CD14: variants seen among roughly 807,000 people sequenced by gnomAD.
The protein encoded by CD14 is CD14 molecule.
Under a neutral mutation model 2.5 loss-of-function variants are expected in CD14, and 4 were observed. The observed-to-expected ratio is 1.63, with a 90% confidence interval of 0.80 to 3.72. The LOEUF (loss-of-function observed/expected upper bound fraction) is 3.72, where lower values mean the gene tolerates loss of function less well. Ranked by LOEUF, CD14 falls within the 30% of genes most tolerant of loss-of-function variation. CD14 has a pLI of 0.01. For missense variants in CD14, 478 were observed against 497.8 expected (o/e 0.96, Z 0.38); for synonymous variants, 236 against 235.1 (o/e 1.00, Z -0.04).
At position 140,632,324 on chromosome 5, in the gene CD14, C is replaced by G. The variant is rs750710009; in HGVS notation, c.660G>C (p.Lys220Asn). 6.2e-7 allele frequency: 1 copy of G among 1,614,096 alleles called. No individual in the cohort carries two copies. The highest frequency in any genetic ancestry group is 1.1e-5 in the South Asian group (1 of 91,092). Reference protein sequence around the residue: ...RGLMAALCPHKFPAIQNLALR... With the variant: ...RGLMAALCPHNFPAIQNLALR... Reference sequence around the variant, plus strand: ...GCGCTAGATTCTGGATGGCCGGGAACTTGTGGGGACAGAGAGCCGCCATCA... The same window carrying G: ...GCGCTAGATTCTGGATGGCCGGGAAGTTGTGGGGACAGAGAGCCGCCATCA... The change falls in exon 2 of 2, where the codon AAG (lysine) becomes AAC (asparagine). Residue 220 changes from lysine to asparagine, a missense_variant. Physicochemically the swap from Lys to Asn is moderately conservative, Grantham distance 94. Coordinates refer to ENST00000302014, the MANE Select transcript of CD14 (RefSeq NM_000591.4). This position sits in a 1 kb window ranked among gnomAD's most constrained non-coding sequence, Gnocchi z 6.2.
Position 140,632,852 on chromosome 5 carries a change from G to T in CD14, c.132C>A (p.Asp44Glu). 6.2e-7 allele frequency: 1 copy of T among 1,614,144 alleles called. No individual in the cohort carries two copies. The change falls in exon 2 of 2, where the codon GAC becomes GAA. Residue 44 changes from aspartate (D) to glutamate (E), a missense_variant. Asp to Glu is a conservative substitution (Grantham distance 45). Coordinates refer to ENST00000302014, the MANE Select transcript of CD14 (RefSeq NM_000591.4). The surrounding 1 kb of genome is among the most constrained non-coding windows in gnomAD (Gnocchi z 6.2). ...ACACACACTGGAAGGCTTCGGACCA[G>T]TCGGGCTGAGGTTCGGAGAAGTTGC... ...CVCNFSEPQP[D>E]WSEAFQCVSA...
upstream of CD14, chr5:140,633,338 C>G: frequency 1.7e-6 from 1 of 588,766 alleles, no homozygotes; most frequent in South Asian, 1.9e-5. Context: ...GGGACCGTAA[C>G]AGGAAGGATT....
rs1428170865 is a variant in CD14 at position 140,632,674 on chromosome 5, G to A, written c.310C>T (p.Gln104Ter). 6.2e-7 allele frequency: 1 copy of A among 1,613,686 alleles called. No individual in the cohort carries two copies. Among genetic ancestry groups the A allele is most frequent in the Non-Finnish European group, 8.5e-7 (1 of 1,180,020 alleles). Residue 104 changes from glutamine (Q) to a stop codon, truncating the protein, a stop_gained, in exon 2 of 2, where the codon CAG (glutamine) becomes TAG (stop). Coordinates refer to ENST00000302014, the MANE Select transcript of CD14 (RefSeq NM_000591.4). LOFTEE classifies it low-confidence loss of function (END_TRUNC). This position sits in a 1 kb window ranked among gnomAD's most constrained non-coding sequence, Gnocchi z 6.2. ...ACACGCAGGGCGCCTACCAGTAGCT[G>A]AGCAGGAACCTGTGCGGCTCCCACT... is the stretch of plus-strand genomic sequence containing the variant. Reference protein sequence around the residue: ...LTVGAAQVPAQLLVGALRVLA... With the variant: ...LTVGAAQVPA
Position 140,632,626 on chromosome 5 carries a change from C to G in CD14, c.358G>C (p.Glu120Gln). ...ATCTTTAGGTCCTCGAGCGTCAGTT[C>G]CTTGAGGCGGGAGTACGCTAGCACA... ...LRVLAYSRLK[E>Q]LTLEDLKITG... The change falls in exon 2 of 2, where the codon GAA becomes CAA. Residue 120 changes from glutamate to glutamine, a missense_variant. Physicochemically the swap from Glu to Gln is conservative, Grantham distance 29 (BLOSUM62 2). Transcript: ENST00000302014. This position sits in a 1 kb window ranked among gnomAD's most constrained non-coding sequence, Gnocchi z 6.2. The G allele has an allele frequency of 6.2e-7, 1 of 1,613,890 alleles. No individual in the cohort carries two copies. Among genetic ancestry groups the G allele is most frequent in the African/African-American group, 1.3e-5 (1 of 75,040 alleles).
In CD14 at chr5:140,632,224, G is replaced by C; in HGVS notation, c.760C>G (p.Leu254Val). The C allele has an allele frequency of 6.2e-7, 1 of 1,613,636 alleles. No homozygotes were observed. Among genetic ancestry groups the C allele is most frequent in the African/African-American group, 1.3e-5 (1 of 75,064 alleles). The stretch of plus-strand genomic sequence containing the variant: ...CGCAGCGAGTTGTGGCTGAGGTCTA[G>C]GCTGTGGGGCTGCACACCTGCCGCC... ...LAAAGVQPHSLDLSHNSLRAT... is the reference protein window; with the variant it reads ...LAAAGVQPHSVDLSHNSLRAT... The change falls in exon 2 of 2, where the codon CTA becomes GTA. Residue 254 changes from leucine (L) to valine (V), a missense_variant. Leu to Val is a conservative substitution (Grantham distance 32, BLOSUM62 1). Transcript: ENST00000302014. This position sits in a 1 kb window ranked among gnomAD's most constrained non-coding sequence, Gnocchi z 6.2.
rs1581447267 is a variant in CD14, at chr5:140,632,220, T to G, written c.764A>C (p.Asp255Ala). The G allele has an allele frequency of 6.2e-7, 1 of 1,613,554 alleles. No homozygotes were observed. The highest frequency in any genetic ancestry group is 8.5e-7 in the Non-Finnish European group (1 of 1,179,980). Residue 255 changes from aspartate (D) to alanine (A), a missense_variant, in exon 2 of 2, where the codon GAC (aspartate) becomes GCC (alanine). Transcript: ENST00000302014. This position sits in a 1 kb window ranked among gnomAD's most constrained non-coding sequence, Gnocchi z 6.2. Reference sequence around the variant, plus strand: ...GGCGCGCAGCGAGTTGTGGCTGAGGTCTAGGCTGTGGGGCTGCACACCTGC... The same window carrying G: ...GGCGCGCAGCGAGTTGTGGCTGAGGGCTAGGCTGTGGGGCTGCACACCTGC... ...AAAGVQPHSL[D>A]LSHNSLRATV...
upstream of CD14, chr5:140,633,519 C>G (rs1052713398): frequency 2.1e-4 from 51 of 244,506 alleles, no homozygotes; most frequent in Middle Eastern, 1.6e-3. Context: ...TCCAACCCCC[C>G]AATCCCCCTA....
Position 140,633,077 on chromosome 5 carries a change from A to G in CD14, c.-6T>C, listed in dbSNP as rs1756667465. ...CAAGACCCTACACTCACCATGGTCG[A>G]TAAGTCTTCCGAACCTCTGAGCTCC... On this transcript the variant is annotated 5_prime_UTR_variant, in exon 1 of 2. Transcript: ENST00000302014. 9.9e-6 allele frequency: 16 copies of G among 1,614,148 alleles called. No individual in the cohort carries two copies. The highest frequency in any genetic ancestry group is 1.3e-5 in the African/African-American group (1 of 75,046).
At chr5:140,633,345 G>A (rs1420293875), upstream of CD14, 2 of 579,050 alleles carry the variant, frequency 3.5e-6, no homozygotes, top group Non-Finnish European at 6.2e-6. Flanking sequence ...TAACAGGAAG[G>A]ATTCTGCAGG....
Position 140,632,490 on chromosome 5 carries a change from T to G in CD14, c.494A>C (p.Gln165Pro), listed in dbSNP as rs763204821. The G allele has an allele frequency of 1.2e-6, 2 of 1,614,014 alleles. No homozygotes were observed. The highest frequency in any genetic ancestry group is 2.2e-5 in the South Asian group (2 of 91,088). The change falls in exon 2 of 2, where the codon CAG becomes CCG. Residue 165 changes from glutamine (Q) to proline (P), a missense_variant. Gln to Pro is a moderately conservative substitution (Grantham distance 76, BLOSUM62 -1). Coordinates refer to ENST00000302014, the MANE Select transcript of CD14 (RefSeq NM_000591.4). The surrounding 1 kb of genome is among the most constrained non-coding windows in gnomAD (Gnocchi z 6.2). Reference protein sequence around the residue: ...ATGRSWLAELQQWLKPGLKVL... With the variant: ...ATGRSWLAELPQWLKPGLKVL... Reference sequence around the variant, plus strand: ...CTTGAGGCCTGGCTTGAGCCACTGCTGCAGCTCGGCGAGCCAAGAACGCCC... The same window carrying G: ...CTTGAGGCCTGGCTTGAGCCACTGCGGCAGCTCGGCGAGCCAAGAACGCCC...
In CD14 at chr5:140,631,845, TG is replaced by T. The variant is rs781461920; in HGVS notation, c.*10del. On this transcript the variant is annotated 3_prime_UTR_variant, in exon 2 of 2. Coordinates refer to ENST00000302014, the MANE Select transcript of CD14 (RefSeq NM_000591.4). ...GGCAGTTTGAGTCCATTCATTATTCTGTCTTGGATCTTAGGCAAAGCCCCGG... is the reference window on the plus strand; with the variant it reads ...GGCAGTTTGAGTCCATTCATTATTCTTCTTGGATCTTAGGCAAAGCCCCGG... 46 of 1,527,918 alleles carry T rather than the reference TG, an allele frequency of 3.0e-5. No individual in the cohort carries two copies. The highest frequency in any genetic ancestry group is 4.0e-5 in the Non-Finnish European group (45 of 1,135,036). 94.6% of individuals were successfully genotyped at this position (1,527,918 alleles called of 1,614,324 possible). A position where few individuals can be genotyped will look rare whatever the true frequency, so the allele number is the denominator to read the frequency against.
At chr5:140,633,550 A>G (rs548273939), upstream of CD14, 4 of 200,004 alleles carry the variant, frequency 2.0e-5, no homozygotes, top group African/African-American at 9.1e-5. Context: ...CAGAGAATCT[A>G]CTTGATTCAT....
At position 140,632,978 on chromosome 5, in the gene CD14, C is replaced by T. The variant is rs1480986538; in HGVS notation, c.6G>A (p.Glu2=). Residue 2 remains glutamate, a splice_region_variant and synonymous_variant, in exon 2 of 2, where the codon GAG becomes GAA. Coordinates refer to ENST00000302014, the MANE Select transcript of CD14 (RefSeq NM_000591.4). The surrounding 1 kb of genome is among the most constrained non-coding windows in gnomAD (Gnocchi z 6.2). ...GCAGCAGCAACAAGCAGGACGCGCG[C>T]TCCTGGGGAGAGAGCAGAGGTCTAG... M[E]RASCLLLLLL... 6.2e-7 allele frequency: 1 copy of T among 1,614,044 alleles called. No individual in the cohort carries two copies. The highest frequency in any genetic ancestry group is 1.3e-5 in the African/African-American group (1 of 74,920).
chr5:140,633,243 C>A (rs1756675453), upstream of CD14: 3 of 762,104 alleles, frequency 3.9e-6, no homozygotes, highest in Middle Eastern at 6.3e-4. Flanking sequence ...CCTCTGTGAA[C>A]CCTGATCACC....
In CD14 at chr5:140,632,061, C is replaced by T. The variant is rs750069399; in HGVS notation, c.923G>A (p.Arg308Lys). 3 of 1,614,230 alleles carry T rather than the reference C, an allele frequency of 1.9e-6. No homozygotes were observed. The highest frequency in any genetic ancestry group is 3.3e-5 in the Admixed American group (2 of 60,032). Residue 308 changes from arginine (R) to lysine (K), a missense_variant, in exon 2 of 2, where the codon AGA becomes AAA. By Grantham distance (26) the Arg-to-Lys change is conservative. Transcript: ENST00000302014. The surrounding 1 kb of genome is among the most constrained non-coding windows in gnomAD (Gnocchi z 6.2). ...GTCAGGCTGCGGCGCCCTGTTCAGT[C>T]TGTTGCAGCTGAGATCGAGCACTCT... ...KLRVLDLSCN[R>K]LNRAPQPDEL... is the part of the protein sequence containing the mutation.
In CD14 at chr5:140,632,955, A is replaced by G; in HGVS notation, c.29T>C (p.Leu10Pro). Residue 10 changes from leucine to proline, a missense_variant, in exon 2 of 2, where the codon CTG (leucine) becomes CCG (proline). Transcript: ENST00000302014. The surrounding 1 kb of genome is among the most constrained non-coding windows in gnomAD (Gnocchi z 6.2). ...AGAGACGTGCACCAGCGGCAGCAGC[A>G]GCAGCAACAAGCAGGACGCGCGCTC... MERASCLLL[L>P]LLPLVHVSAT... 1 of 1,614,144 alleles carries G rather than the reference A, an allele frequency of 6.2e-7. No homozygotes were observed. Among genetic ancestry groups the G allele is most frequent in the South Asian group, 1.1e-5 (1 of 91,078 alleles).
chr5:140,633,210 CCTGGGATGTCATTCAGTTCCCTCCT>C (rs1204060722), upstream of CD14: 2 of 1,065,784 alleles, frequency 1.9e-6, no homozygotes, highest in Admixed American at 4.0e-5. Flanking sequence ...TTTATGTAAT[CCTGGGATGTCATTCAGTTCCCTCCT>C]CTGTGAACCC....
In CD14 at chr5:140,632,873, G is replaced by C. The variant is rs763753720; in HGVS notation, c.111C>G (p.Asn37Lys). ...ACCAGTCGGGCTGAGGTTCGGAGAAGTTGCAGACGCAGCGGAAATCTTCAT... is the reference window on the plus strand; with the variant it reads ...ACCAGTCGGGCTGAGGTTCGGAGAACTTGCAGACGCAGCGGAAATCTTCAT... ...LDDEDFRCVC[N>K]FSEPQPDWSE... Residue 37 changes from asparagine (N) to lysine (K), a missense_variant, in exon 2 of 2, where the codon AAC becomes AAG. Coordinates refer to ENST00000302014, the MANE Select transcript of CD14 (RefSeq NM_000591.4). This position sits in a 1 kb window ranked among gnomAD's most constrained non-coding sequence, Gnocchi z 6.2. 6.2e-7 allele frequency: 1 copy of C among 1,614,186 alleles called. No individual in the cohort carries two copies. Among genetic ancestry groups the C allele is most frequent in the Non-Finnish European group, 8.5e-7 (1 of 1,180,032 alleles).
chr5:140,632,264 C>A lies in CD14; in HGVS notation c.720G>T (p.Val240=), dbSNP rs758715495. Reference sequence around the variant, plus strand: ...CACCTGCCGCCGCCAGTGCGGCGCACACGCCTGTGGGCGTCTCCATTCCTG... The same window carrying A: ...CACCTGCCGCCGCCAGTGCGGCGCAAACGCCTGTGGGCGTCTCCATTCCTG... The part of the protein sequence containing the change: ...RNTGMETPTG[V]CAALAAAGVQ... The change falls in exon 2 of 2, where the codon GTG becomes GTT. Residue 240 remains valine, a synonymous_variant. Transcript: ENST00000302014. This position sits in a 1 kb window ranked among gnomAD's most constrained non-coding sequence, Gnocchi z 6.2. 12 of 1,613,596 alleles carry A rather than the reference C, an allele frequency of 7.4e-6. No individual in the cohort carries two copies. The African/African-American group carries it at 1.5e-4, about 20-fold the overall frequency.
Sources: allele counts gnomAD v4.1 joint callset, GRCh38; gene constraint gnomAD v4.1.1; non-coding constraint Gnocchi (gnomAD v3.1); transcripts MANE v1.5; gene names NCBI Gene and HGNC (gene_info 2026-07-23, HGNC 2026-07-21).